PLEC: variants seen among roughly 807,000 people sequenced by gnomAD.
PLEC encodes the protein plectin.
In PLEC, 216 loss-of-function variants were observed where a neutral mutation model predicts 392.8. The observed-to-expected ratio is 0.55, with a 90% CI of 0.49 to 0.62. The LOEUF (loss-of-function observed/expected upper bound fraction) is 0.62, where lower values mean the gene tolerates loss of function less well. Among genes scored for constraint, PLEC ranks in the 20% least tolerant of loss-of-function variants. The pLI is 0.00. For synonymous variants in PLEC, 3,621 were observed against 2,980.6 expected (o/e 1.21, Z -7.00); for missense variants, 6,863 against 6,563.4 (o/e 1.05, Z -1.58).
In PLEC at chr8:143,973,451, C is replaced by A; in HGVS notation, c.22G>T (p.Glu8Ter). The A allele has an allele frequency of 1.3e-6, 2 of 1,520,008 alleles. No homozygotes were observed. Among genetic ancestry groups the A allele is most frequent in the East Asian group, 2.7e-5 (1 of 36,862 alleles). The allele number at this position is 1,520,008 out of a possible 1,614,324, so 94.2% of individuals were successfully genotyped here. A position where few individuals can be genotyped will look rare whatever the true frequency, so the allele number is the denominator to read the frequency against. ...TCGTAGGCCTGGATGAAGTCCTGCT[C>A]GTCGGGCAGCGGGCCGGCCATGCCG... The change falls in exon 1 of 32, where the codon GAG becomes TAG. Residue 8 changes from glutamate to a stop codon, truncating the protein, a stop_gained. Transcript: ENST00000356346. LOFTEE classifies it high-confidence loss of function. The surrounding 1 kb of genome is among the most constrained non-coding windows in gnomAD (Gnocchi z 5.6).
intron 1 of PLEC, among the ~76,000 whole-genome samples, chr8:143,970,155 G>C (rs927291108): frequency 6.6e-6 from 1 of 152,180 alleles, no homozygotes; most frequent in East Asian, 1.9e-4. Context: ...GCACTGCAGG[G>C]TGTTTGCACG....
chr8:143,933,895 C>T, intron 12 of PLEC, 103 bp downstream of exon 12: 1 of 1,028,244 alleles, frequency 9.7e-7, no homozygotes, highest in African/African-American at 1.6e-5. Flanking sequence ...TGCCCCTGCC[C>T]CAGGAGCCCA....
rs199866902 is a variant in PLEC at position 143,923,422 on chromosome 8, C to T, written c.6507G>A (p.Lys2169=). ...GCGTCTGCTCGGCGAATTTCTTATG[C>T]TTCTCCATCTCCGCGTCAGCTGCCT... ...QKQAADAEME[K]HKKFAEQTLR... is the part of the protein sequence containing the mutation. The change falls in exon 31 of 32, where the codon AAG becomes AAA. Residue 2169 remains lysine (K), a synonymous_variant. Transcript: ENST00000345136. 439 of 1,610,544 alleles carry T rather than the reference C, an allele frequency of 2.7e-4. 1 individual carries two copies. In the African/African-American group the frequency reaches 5.2e-3, roughly 19 times the overall value.
At chr8:143,962,722 C>T (rs531380111) in intron 1 of PLEC, among the ~76,000 whole-genome samples, 2 of 152,330 alleles carry the variant, frequency 1.3e-5, no homozygotes, top group African/African-American at 4.8e-5. Flanking sequence ...ACTGTGTTCA[C>T]TGTCGGGTGC....
chr8:143,935,008 C>G lies in PLEC; in HGVS notation c.825+3G>C, dbSNP rs556204688. The G allele has an allele frequency of 6.2e-7, 1 of 1,612,274 alleles. No individual in the cohort carries two copies. Among genetic ancestry groups the G allele is most frequent in the African/African-American group, 1.3e-5 (1 of 75,036 alleles). On this transcript the variant is annotated splice_donor_region_variant and intron_variant, in intron 8 of 31. Coordinates refer to ENST00000345136, the MANE Select transcript of PLEC (RefSeq NM_201384.3). ...CCCCCTGCCCTCCGGGCCCCCCACT[C>G]ACGTTGGCCCTCACCCCATCCTGCA...
rs1554687500 is a variant in PLEC, at chr8:143,921,885, A to G, written c.7936T>C (p.Phe2646Leu). ...PAAEAEPEHS[F>L]DGLRRKVSAQ... ...GACACCTTCCGCCGCAGGCCATCGA[A>G]GCTGTGCTCCGGCTCTGCCTCTGCC... Residue 2646 changes from phenylalanine to leucine, a missense_variant, in exon 32 of 32, where the codon TTC becomes CTC. Coordinates refer to ENST00000345136, the MANE Select transcript of PLEC (RefSeq NM_201384.3). 9 of 1,601,082 alleles carry G rather than the reference A, an allele frequency of 5.6e-6. No individual in the cohort carries two copies. Among genetic ancestry groups the G allele is most frequent in the Non-Finnish European group, 6.8e-6 (8 of 1,179,712 alleles).
Position 143,930,471 on chromosome 8 carries a change from G to T in PLEC, c.2370C>A (p.Ala790=), listed in dbSNP as rs533090572. ...GGTGGCGGGGCTTCAGCTGCACGAC[G>T]GCCTTGGCCCGCTTGGCCAGGCCTG... ...HLSGLAKRAK[A]VVQLKPRHPA... The change falls in exon 20 of 32, where the codon GCC becomes GCA. Residue 790 remains alanine (A), a synonymous_variant. Transcript: ENST00000345136. 6.3e-7 allele frequency: 1 copy of T among 1,591,048 alleles called. No individual in the cohort carries two copies. The highest frequency in any genetic ancestry group is 8.6e-7 in the Non-Finnish European group (1 of 1,169,456).
rs1833529964 is a variant in PLEC, at chr8:143,973,334, GGAC to G, written c.70+66_70+68del. On this transcript the variant is annotated intron_variant, in intron 1 of 31. Coordinates refer to the PLEC transcript ENST00000356346. This position sits in a 1 kb window ranked among gnomAD's most constrained non-coding sequence, Gnocchi z 5.6. ...GGCCGGCGATCGGGACCGCCACCGT[GGAC>G]GACAAGGTGCTCGGCGGCTGGGCTG... is the stretch of plus-strand genomic sequence containing the variant. The G allele has an allele frequency of 1.3e-6, 2 of 1,525,334 alleles. No homozygotes were observed. Among genetic ancestry groups the G allele is most frequent in the East Asian group, 5.1e-5 (2 of 39,006 alleles). 94.5% of individuals were successfully genotyped at this position (1,525,334 alleles called of 1,614,324 possible).
chr8:143,934,349 G>C lies in PLEC; in HGVS notation c.1138C>G (p.Arg380Gly). 6.2e-7 allele frequency: 1 copy of C among 1,612,526 alleles called. No individual in the cohort carries two copies. The highest frequency in any genetic ancestry group is 2.2e-5 in the East Asian group (1 of 44,880). Residue 380 changes from arginine (R) to glycine (G), a missense_variant, in exon 11 of 32, where the codon CGG becomes GGG. By Grantham distance (125) the Arg-to-Gly change is moderately radical. Transcript: ENST00000345136. ...AACTCGCTGCGGAGCTGCTTCTCCCGCTCCAGGATGGCCACGTGCAGCTTG... is the reference window on the plus strand; with the variant it reads ...AACTCGCTGCGGAGCTGCTTCTCCCCCTCCAGGATGGCCACGTGCAGCTTG... ...WGKLHVAILEREKQLRSEFER... is the reference protein window; with the variant it reads ...WGKLHVAILEGEKQLRSEFER...
exon 1 of PLEC, chr8:143,950,723 C>T: frequency 6.4e-7 from 1 of 1,551,366 alleles, no homozygotes; most frequent in Non-Finnish European, 8.7e-7. Context: ...TGGAGCCGGG[C>T]AGTCAGTGCG....
At chr8:143,963,871 G>C (rs1459726050) in intron 1 of PLEC, among the ~76,000 whole-genome samples, 9 of 140,624 alleles carry the variant, frequency 6.4e-5, no homozygotes, top group African/African-American at 2.4e-4. Flanking sequence ...GGAGTGCATT[G>C]GTGCAGTCTC....
At position 143,932,496 on chromosome 8, in the gene PLEC, C is replaced by G. The variant is rs781985645; in HGVS notation, c.1881G>C (p.Lys627Asn). ...SLHSFVAAAT[K>N]ELMWLNEKEE... ...CCTTCTCATTCAGCCACATTAGCTC[C>G]TTAGTGGCGGCTGCCACAAAGCTGT... The change falls in exon 16 of 32, where the codon AAG becomes AAC. Residue 627 changes from lysine (K) to asparagine (N), a missense_variant. By Grantham distance (94) the Lys-to-Asn change is moderately conservative (BLOSUM62 0). Coordinates refer to ENST00000345136, the MANE Select transcript of PLEC (RefSeq NM_201384.3). The G allele has an allele frequency of 1.2e-6, 2 of 1,612,624 alleles. No individual in the cohort carries two copies. Among genetic ancestry groups the G allele is most frequent in the Non-Finnish European group, 1.7e-6 (2 of 1,179,958 alleles).
intron 1 of PLEC, among the ~76,000 whole-genome samples, chr8:143,960,016 C>G (rs1479538950): frequency 6.6e-6 from 1 of 151,836 alleles, no homozygotes; most frequent in Non-Finnish European, 1.5e-5. Context: ...CACGCGGTGG[C>G]TCACGCCTGT....
At position 143,919,093 on chromosome 8, in the gene PLEC, G is replaced by A. The variant is rs372840016; in HGVS notation, c.10728C>T (p.Gly3576=). The part of the protein sequence containing the change: ...AFEETQIDIP[G]GGSHGGSTMS... The stretch of plus-strand genomic sequence containing the variant: ...TGGTGGAGCCGCCGTGGCTGCCGCC[G>A]CCGGGAATGTCGATCTGTGTCTCTT... The change falls in exon 32 of 32, where the codon GGC becomes GGT. Residue 3576 remains glycine (G), a synonymous_variant. Transcript: ENST00000345136. The A allele has an allele frequency of 2.7e-4, 440 of 1,611,814 alleles. 1 individual carries two copies. The East Asian group carries it at 4.3e-3, about 16-fold the overall frequency.
intron 1 of PLEC, chr8:143,945,087 C>T (rs763755989): frequency 2.5e-6 from 1 of 400,802 alleles, no homozygotes; most frequent in South Asian, 2.0e-5. Context: ...CCAGGGGGTG[C>T]TCTTGGAAAG....
Position 143,915,403 on chromosome 8 carries a change from T to C in PLEC, c.*774A>G, listed in dbSNP as rs1168545259. The C allele has an allele frequency of 2.0e-5, 3 of 152,440 alleles. No homozygotes were observed. Among genetic ancestry groups the C allele is most frequent in the Non-Finnish European group, 2.9e-5 (2 of 68,334 alleles). The allele number at this position is 152,440 out of a possible 1,614,324, so 9.4% of individuals were successfully genotyped here. On this transcript the variant is annotated 3_prime_UTR_variant, in exon 32 of 32. Transcript: ENST00000345136. Reference sequence around the variant, plus strand: ...GGGCCCAAAGGGGGCTGGGGCTCCATGGGAGAGAGACGGGCAGGCGGCACC... The same window carrying C: ...GGGCCCAAAGGGGGCTGGGGCTCCACGGGAGAGAGACGGGCAGGCGGCACC...
intron 10 of PLEC, 38 bp from the exon 11 acceptor site, chr8:143,934,483 G>C (rs782111912): frequency 1.9e-5 from 31 of 1,608,474 alleles, no homozygotes; most frequent in Middle Eastern, 1.7e-4. Flanking sequence ...TATAGGCAGG[G>C]GGCAGGGGGT....
Position 143,917,149 on chromosome 8 carries a change from G to A in PLEC, c.12672C>T (p.Ala4224=), listed in dbSNP as rs374949959. Reference sequence around the variant, plus strand: ...CGAACTCGGTGATGGAGAGCGTGCCGGCGCGGTACTGGTCCAGTGCCGAGC... The same window carrying A: ...CGAACTCGGTGATGGAGAGCGTGCCAGCGCGGTACTGGTCCAGTGCCGAGC... ...IDRSALDQYR[A]GTLSITEFAD... The change falls in exon 32 of 32, where the codon GCC becomes GCT. Residue 4224 remains alanine (A), a synonymous_variant. Transcript: ENST00000345136. 185 of 1,605,434 alleles carry A rather than the reference G, an allele frequency of 1.2e-4. No homozygotes were observed. The highest frequency in any genetic ancestry group is 1.4e-4 in the Non-Finnish European group (162 of 1,173,486).
At chr8:143,952,212 G>GCA (rs1407645477), upstream of PLEC, among the ~76,000 whole-genome samples, 2 of 137,090 alleles carry the variant, frequency 1.5e-5, no homozygotes, top group African/African-American at 5.5e-5. Context: ...ACACACACGC[G>GCA]CGCACACACG....
Sources: gnomAD v4.1 joint callset for allele counts (sites outside exome capture counted in the v4.1 genomes callset) on GRCh38, gnomAD v4.1.1 for gene constraint, Gnocchi (gnomAD v3.1) non-coding constraint, MANE v1.5 for transcripts, NCBI Gene and HGNC (gene_info 2026-07-23, HGNC 2026-07-21) for gene names.